PEX13: variants seen among roughly 807,000 people sequenced by gnomAD.
The protein encoded by PEX13 is peroxisomal biogenesis factor 13, also known as peroxisome biogenesis factor 13.
Under a neutral mutation model 34.5 loss-of-function variants are expected in PEX13, and 28 were observed. The observed-to-expected ratio is 0.81, with a 90% CI of 0.60 to 1.11. The LOEUF is 1.11. Ranked by LOEUF, PEX13 falls within the 50% of genes most tolerant of loss-of-function variation. The pLI, the probability that PEX13 is intolerant of heterozygous loss-of-function variation, is 0.00. For missense variants in PEX13, 550 were observed against 491.0 expected (o/e 1.12, Z -1.13); for synonymous variants, 177 against 175.1 (o/e 1.01, Z -0.09).
intron 1 of PEX13, among the ~76,000 whole-genome samples, chr2:61,022,723 C>G (rs2104796755): frequency 6.6e-6 from 1 of 152,128 alleles, no homozygotes; most frequent in South Asian, 2.1e-4. Flanking sequence ...TAAAATTGGC[C>G]AGGTGTAGTG....
chr2:61,046,454 T>A (rs961576875), intron 3 of PEX13, among the ~76,000 whole-genome samples: 3 of 152,248 alleles, frequency 2.0e-5, no homozygotes, highest in Non-Finnish European at 2.9e-5. Flanking sequence ...TGGATTTTTT[T>A]AAATATGTGT....
chr2:61,038,619 G>A (rs992627518), intron 2 of PEX13, among the ~76,000 whole-genome samples: 1 of 152,050 alleles, frequency 6.6e-6, no homozygotes, highest in Non-Finnish European at 1.5e-5. Context: ...AATAATAAAA[G>A]GTATTTATGA....
intron 2 of PEX13, among the ~76,000 whole-genome samples, chr2:61,045,093 C>G (rs1680685399): frequency 6.6e-6 from 1 of 152,268 alleles, no homozygotes; most frequent in South Asian, 2.1e-4. Context: ...ATATTCTGGC[C>G]TATTACTCTC....
chr2:61,017,875 G>A lies in PEX13; in HGVS notation c.92+24G>A, dbSNP rs1227997150. ...CAGTGAGTGTGGGATTCTTCAGGCT[G>A]TGAGTTTAGTGGGCCCGAGCGGGGA... On this transcript the variant is annotated intron_variant, in intron 1 of 3. Coordinates refer to ENST00000295030, the MANE Select transcript of PEX13 (RefSeq NM_002618.4). The A allele has an allele frequency of 7.8e-6, 12 of 1,544,392 alleles. No individual in the cohort carries two copies. In the Admixed American group the frequency reaches 2.4e-4, roughly 30 times the overall value.
At chr2:61,035,712 G>A (rs1458559608) in intron 2 of PEX13, among the ~76,000 whole-genome samples, 1 of 152,090 alleles carries the variant, frequency 6.6e-6, no homozygotes, top group African/African-American at 2.4e-5. Context: ...GGCCAGGCAT[G>A]GTGGCACACG....
chr2:61,018,380 T>C, intron 1 of PEX13: 3 of 1,445,656 alleles, frequency 2.1e-6, no homozygotes, highest in Non-Finnish European at 1.8e-6. Flanking sequence ...CGGATCGAGA[T>C]TGGAGAAGCA....
At chr2:61,038,504 C>A (rs896779775) in intron 2 of PEX13, among the ~76,000 whole-genome samples, 6 of 152,128 alleles carry the variant, frequency 3.9e-5, no homozygotes, top group Admixed American at 3.3e-4. Flanking sequence ...AAGACAAAAA[C>A]CAAATGATTA....
At chr2:61,048,406 C>G in intron 3 of PEX13, 66 bp from the exon 4 acceptor site, 1 of 1,284,762 alleles carries the variant, frequency 7.8e-7, no homozygotes, top group Non-Finnish European at 1.1e-6. Flanking sequence ...TGATATTTTA[C>G]CATTACTATT....
intron 1 of PEX13, among the ~76,000 whole-genome samples, chr2:61,023,398 T>TAC (rs1325976842): frequency 4.3e-5 from 6 of 140,378 alleles, no homozygotes; most frequent in Non-Finnish European, 9.3e-5. Context: ...GGTAGGAATA[T>TAC]ACAGACACAC....
chr2:61,031,433 G>C lies in PEX13; in HGVS notation c.107G>C (p.Gly36Ala). The C allele has an allele frequency of 2.5e-6, 4 of 1,613,840 alleles. No individual in the cohort carries two copies. Among genetic ancestry groups the C allele is most frequent in the African/African-American group, 1.3e-5 (1 of 75,028 alleles). The change falls in exon 2 of 4, where the codon GGT becomes GCT. Residue 36 changes from glycine (G) to alanine (A), a missense_variant. Gly to Ala is a moderately conservative substitution (Grantham distance 60). Coordinates refer to ENST00000295030, the MANE Select transcript of PEX13 (RefSeq NM_002618.4). Reference sequence around the variant, plus strand: ...TTTGGTTTTAGATCTGCTGATTTGGGTCCTACTTTAATGACAAGACCTGGA... The same window carrying C: ...TTTGGTTTTAGATCTGCTGATTTGGCTCCTACTTTAATGACAAGACCTGGA... The part of the protein sequence containing the change: ...PGPTFQSADL[G>A]PTLMTRPGQP...
intron 1 of PEX13, among the ~76,000 whole-genome samples, chr2:61,030,164 A>G (rs1384065353): frequency 6.6e-6 from 1 of 152,190 alleles, no homozygotes; most frequent in African/African-American, 2.4e-5. Context: ...CCAGTCACAA[A>G]ATACTACGTA....
In PEX13 at chr2:61,051,850, A is replaced by G. The variant is rs1680804504; in HGVS notation, c.*3080A>G. On this transcript the variant is annotated 3_prime_UTR_variant, in exon 4 of 4. Coordinates refer to ENST00000295030, the MANE Select transcript of PEX13 (RefSeq NM_002618.4). ...TTGATTCTGTCTGTGTCATAATTAC[A>G]CATTTACTTGAACACAGCTATCCTT... 1 of 152,390 alleles carries G rather than the reference A, an allele frequency of 6.6e-6. No homozygotes were observed. Among genetic ancestry groups the G allele is most frequent in the Non-Finnish European group, 1.5e-5 (1 of 68,036 alleles). The allele number at this position is 152,390 out of a possible 1,614,324, so 9.4% of individuals were successfully genotyped here.
Position 61,048,854 on chromosome 2 carries a change from C to A in PEX13, c.*84C>A. The A allele has an allele frequency of 1.8e-6, 2 of 1,137,886 alleles. No individual in the cohort carries two copies. Among genetic ancestry groups the A allele is most frequent in the Non-Finnish European group, 2.6e-6 (2 of 765,406 alleles). The allele number at this position is 1,137,886 out of a possible 1,614,324, so 70.5% of individuals were successfully genotyped here. A position where few individuals can be genotyped will look rare whatever the true frequency, so the allele number is the denominator to read the frequency against. ...CTCACAAAGAAATGAATGTACAATC[C>A]AATGAAAACATTTGTTATTGGCTAT... On this transcript the variant is annotated 3_prime_UTR_variant, in exon 4 of 4. Transcript: ENST00000295030.
chr2:61,035,781 C>T (rs540052470), intron 2 of PEX13, among the ~76,000 whole-genome samples: 27 of 152,042 alleles, frequency 1.8e-4, no homozygotes, highest in African/African-American at 5.5e-4. Context: ...GTCGAGAGTT[C>T]GAGACCAGCC....
chr2:61,046,146 GTC>G (rs1396084131), intron 3 of PEX13, among the ~76,000 whole-genome samples: 1 of 152,156 alleles, frequency 6.6e-6, no homozygotes, highest in Non-Finnish European at 1.5e-5. Context: ...AAAACGTGAT[GTC>G]AGTAACTAAA....
Position 61,045,785 on chromosome 2 carries a change from T to G in PEX13, c.847T>G (p.Phe283Val), listed in dbSNP as rs1680696228. 1 of 1,613,024 alleles carries G rather than the reference T, an allele frequency of 6.2e-7. No homozygotes were observed. Among genetic ancestry groups the G allele is most frequent in the African/African-American group, 1.3e-5 (1 of 75,046 alleles). The stretch of plus-strand genomic sequence containing the variant: ...TGTAGTTGCCAGAGCAGAATATGAT[T>G]TTGCTGCCGTATCTGAAGAAGAAAT... ...DHVVARAEYD[F>V]AAVSEEEISF... Residue 283 changes from phenylalanine (F) to valine (V), a missense_variant, in exon 3 of 4, where the codon TTT becomes GTT. Coordinates refer to ENST00000295030, the MANE Select transcript of PEX13 (RefSeq NM_002618.4).
At chr2:61,037,845 C>CA (rs1559040068) in intron 2 of PEX13, among the ~76,000 whole-genome samples, 1 of 151,928 alleles carries the variant, frequency 6.6e-6, no homozygotes, top group East Asian at 1.9e-4. Flanking sequence ...AAAAGATCAA[C>CA]AAAATAGACT....
intron 1 of PEX13, among the ~76,000 whole-genome samples, chr2:61,031,119 A>G (rs1345030325): frequency 6.6e-6 from 1 of 152,142 alleles, no homozygotes; most frequent in African/African-American, 2.4e-5. Context: ...GTGAAACCCC[A>G]TCTCTACAAA....
chr2:61,029,909 A>G (rs998094136), intron 1 of PEX13, among the ~76,000 whole-genome samples: 4 of 152,216 alleles, frequency 2.6e-5, no homozygotes, highest in Non-Finnish European at 4.4e-5. Context: ...CTACAGTATA[A>G]GTAATTACAT....
Sources: allele counts gnomAD v4.1 joint callset (sites outside exome capture counted in the v4.1 genomes callset), GRCh38; gene constraint gnomAD v4.1.1; transcripts MANE v1.5; gene names NCBI Gene and HGNC (gene_info 2026-07-23, HGNC 2026-07-21).